Variants in TPRG1 observed in about 807,000 individuals in gnomAD.
TPRG1 encodes tumor protein p63-regulated gene 1 protein.
Under a neutral mutation model 29.3 loss-of-function variants are expected in TPRG1, and 29 were observed. The observed-to-expected ratio is 0.99, with a 90% CI of 0.74 to 1.35. The LOEUF (loss-of-function observed/expected upper bound fraction) is 1.35, where lower values mean the gene tolerates loss of function less well. Among genes scored for constraint, TPRG1 ranks in the 40% most tolerant of loss-of-function variants. TPRG1 has a pLI of 0.00. For missense variants in TPRG1, 327 were observed against 335.0 expected, an observed-to-expected ratio of 0.98 and a Z score of 0.19; for synonymous variants, 130 against 116.8, an observed-to-expected ratio of 1.11 and a Z score of -0.73.
At chr3:189,224,407 G>A (rs1252654136) in intron 3 of TPRG1, among the ~76,000 whole-genome samples, 1 of 152,170 alleles carries the variant, frequency 6.6e-6, no homozygotes, top group Non-Finnish European at 1.5e-5. Flanking sequence ...TTGAACCTGA[G>A]AGGCGGAGCT....
At chr3:189,002,500 A>G (rs1427214676) in intron 2 of TPRG1, among the ~76,000 whole-genome samples, 1 of 152,138 alleles carries the variant, frequency 6.6e-6, no homozygotes, top group Non-Finnish European at 1.5e-5. Flanking sequence ...TTCTAGAGTC[A>G]TACTATGTAG....
chr3:189,198,190 T>TCTCACAC (rs1732864622), intron 1 of TPRG1, among the ~76,000 whole-genome samples: 1 of 152,056 alleles, frequency 6.6e-6, no homozygotes, highest in Non-Finnish European at 1.5e-5. Flanking sequence ...AACACACTCC[T>TCTCACAC]CTCACACCTC....
chr3:189,258,452 C>T (rs1033156202), intron 4 of TPRG1, among the ~76,000 whole-genome samples: 1 of 152,198 alleles, frequency 6.6e-6, no homozygotes, highest in East Asian at 1.9e-4. Flanking sequence ...CCCTGCTGGA[C>T]GTGTCTCCCC....
intron 3 of TPRG1, among the ~76,000 whole-genome samples, chr3:189,227,826 A>G (rs78164101): frequency 0.021 from 3,147 of 152,314 alleles, 116 homozygotes; most frequent in African/African-American, 0.072. Flanking sequence ...TTTAATTTAT[A>G]ATTAAAGATT....
At chr3:189,310,567 A>G in intron 5 of TPRG1, 28 bp downstream of exon 5, 1 of 1,577,330 alleles carries the variant, frequency 6.3e-7, no homozygotes, top group Non-Finnish European at 8.6e-7. Flanking sequence ...TATTACTCTC[A>G]GATTAGCTTT....
intron 3 of TPRG1, among the ~76,000 whole-genome samples, chr3:189,231,967 G>A (rs1341269537): frequency 6.6e-6 from 1 of 151,826 alleles, no homozygotes; most frequent in Non-Finnish European, 1.5e-5. Context: ...GTGTGTGTGT[G>A]TGTGTGTTTG....
At chr3:189,139,899 C>T (rs898579418) in intron 3 of TPRG1, among the ~76,000 whole-genome samples, 1 of 152,106 alleles carries the variant, frequency 6.6e-6, no homozygotes, top group Non-Finnish European at 1.5e-5. Context: ...TCTCTTGTTA[C>T]CACATTGTCA....
At chr3:189,096,581 G>T (rs890977805), upstream of TPRG1, among the ~76,000 whole-genome samples, 1 of 152,138 alleles carries the variant, frequency 6.6e-6, no homozygotes, top group Admixed American at 6.5e-5. Context: ...ACTCCTTTGT[G>T]TGCTTTAAAA....
chr3:189,134,365 C>T (rs1374197196), intron 3 of TPRG1, among the ~76,000 whole-genome samples: 1 of 151,390 alleles, frequency 6.6e-6, no homozygotes, highest in African/African-American at 2.4e-5. Flanking sequence ...TCTCATTGAA[C>T]CCTCCTAACA....
chr3:189,151,581 T>C (rs888796301), intron 5 of TPRG1, among the ~76,000 whole-genome samples: 3 of 152,008 alleles, frequency 2.0e-5, no homozygotes, highest in African/African-American at 7.2e-5. Context: ...CCAAAGCCCT[T>C]TGCAGAAAGA....
chr3:189,305,032 G>T (rs2109286920), intron 4 of TPRG1, among the ~76,000 whole-genome samples: 1 of 152,306 alleles, frequency 6.6e-6, no homozygotes, highest in East Asian at 1.9e-4. Flanking sequence ...GGAGCTTTGA[G>T]ATTTGAGATG....
chr3:189,114,677 A>G (rs764781158), intron 1 of TPRG1, among the ~76,000 whole-genome samples: 7 of 152,198 alleles, frequency 4.6e-5, no homozygotes, highest in Non-Finnish European at 8.8e-5. Context: ...AGGACTAGTG[A>G]TGCTAATACT....
upstream of TPRG1, among the ~76,000 whole-genome samples, chr3:189,095,696 C>T (rs1322829608): frequency 2.0e-5 from 3 of 152,188 alleles, no homozygotes; most frequent in Non-Finnish European, 4.4e-5. Context: ...TCATAAGTCT[C>T]TGCGGGCAAA....
intron 2 of TPRG1, chr3:189,211,518 G>A (rs1047101547): frequency 6.6e-6 from 1 of 152,148 alleles, no homozygotes; most frequent in Non-Finnish European, 1.5e-5. Flanking sequence ...ACAAAAAAAA[G>A]TATATCTGGC....
At chr3:189,276,906 A>G (rs1469975340) in intron 4 of TPRG1, among the ~76,000 whole-genome samples, 2 of 152,054 alleles carry the variant, frequency 1.3e-5, no homozygotes, top group Non-Finnish European at 2.9e-5. Context: ...AGTGGATAAA[A>G]TGAGTGATTA....
intron 4 of TPRG1, among the ~76,000 whole-genome samples, chr3:189,262,777 G>A (rs891733370): frequency 6.6e-6 from 1 of 152,232 alleles, no homozygotes. Flanking sequence ...TTCAATCAAA[G>A]TGTTGGGGCT....
Position 189,164,637 on chromosome 3 carries a change from T to TA in TPRG1, c.-10+13775dup, listed in dbSNP as rs768784693. Among the ~76,000 whole-genome samples the TA allele has an allele frequency of 5.4e-4, 63 of 115,798 alleles. No individual in the cohort carries two copies. In the East Asian group the frequency reaches 0.011, roughly 20 times the overall value. The allele number at this position is 115,798 out of a possible 152,430, so 76.0% of individuals were successfully genotyped here. A position where few individuals can be genotyped will look rare whatever the true frequency, so the allele number is the denominator to read the frequency against. On this transcript the variant is annotated intron_variant, in intron 5 of 6. Transcript: ENST00000412373. ...AAAAAATAAAAGCTTCCCTTTTTTT[T>TA]AAAAAAAAAAGGTATCTGAAATTTC...
chr3:189,047,190 C>A (rs1468373684), intron 4 of TPRG1, among the ~76,000 whole-genome samples: 1 of 152,024 alleles, frequency 6.6e-6, no homozygotes, highest in Non-Finnish European at 1.5e-5. Context: ...AATATATACA[C>A]GCATAGGTTG....
chr3:189,057,937 GTATA>G (rs1365252490), intron 4 of TPRG1, among the ~76,000 whole-genome samples: 4 of 149,648 alleles, frequency 2.7e-5, no homozygotes, highest in Non-Finnish European at 5.9e-5. Context: ...GAATATATAA[GTATA>G]TATTGTGTGT....
Sources: allele counts gnomAD v4.1 joint callset (sites outside exome capture counted in the v4.1 genomes callset), GRCh38; gene constraint gnomAD v4.1.1; transcripts MANE v1.5; gene names NCBI Gene and HGNC (gene_info 2026-07-23, HGNC 2026-07-21).